CENPC: variants seen among roughly 807,000 people sequenced by gnomAD.
The protein encoded by CENPC is CENP-C 1.
Under a neutral mutation model 112.1 loss-of-function variants are expected in CENPC, and 63 were observed. The observed-to-expected ratio is 0.56, with a 90% CI of 0.46 to 0.69. The LOEUF (loss-of-function observed/expected upper bound fraction) is 0.69, where lower values mean the gene tolerates loss of function less well. CENPC is among the 30% of genes least tolerant of loss of function. CENPC has a pLI of 0.00. For missense variants in CENPC, 1,000 were observed against 1,103.8 expected (o/e 0.91, Z 1.33); for synonymous variants, 333 against 367.6 (o/e 0.91, Z 1.08).
rs139727594 is a variant in CENPC, at chr4:67,510,593, G to A, written c.1613-1488C>T. ...TCTGTGCAAGTACAGAGCCCGAACT[G>A]ATACAATCCTGTGACTGACTGCCTT... On this transcript the variant is annotated intron_variant, in intron 9 of 18. Coordinates refer to ENST00000273853, the MANE Select transcript of CENPC (RefSeq NM_001812.4). 2.9e-4 allele frequency: 51 copies of A among 176,266 alleles called. No homozygotes were observed. In the East Asian group the frequency reaches 7.2e-3, roughly 25 times the overall value. 10.9% of individuals were successfully genotyped at this position (176,266 alleles called of 1,614,324 possible).
intron 12 of CENPC, among the ~76,000 whole-genome samples, chr4:67,496,531 T>G (rs1284993981): frequency 1.3e-5 from 2 of 152,196 alleles, no homozygotes; most frequent in Non-Finnish European, 2.9e-5. Flanking sequence ...TGAGCTTTTA[T>G]CATATTCTCA....
intron 7 of CENPC, among the ~76,000 whole-genome samples, chr4:67,516,315 G>A (rs1726055382): frequency 6.6e-6 from 1 of 151,846 alleles, no homozygotes; most frequent in Non-Finnish European, 1.5e-5. Context: ...ACCACATATT[G>A]CAGTGAGATA....
chr4:67,509,254 AC>A (rs1289864627), intron 9 of CENPC, 149 bp from the exon 10 acceptor site: 1 of 476,598 alleles, frequency 2.1e-6, no homozygotes. Context: ...ACACACACAC[AC>A]ATCTCAGGCT....
intron 17 of CENPC, among the ~76,000 whole-genome samples, chr4:67,479,115 C>T (rs968173893): frequency 5.9e-5 from 9 of 152,200 alleles, no homozygotes; most frequent in South Asian, 2.1e-4. Flanking sequence ...CGGCAACACA[C>T]TTATACTCAA....
chr4:67,474,971 T>TA lies in CENPC; in HGVS notation c.2677dup (p.Tyr893LeufsTer3). 6.7e-7 allele frequency: 1 copy of TA among 1,492,170 alleles called. No individual in the cohort carries two copies. The highest frequency in any genetic ancestry group is 9.1e-7 in the Non-Finnish European group (1 of 1,103,536). The allele number at this position is 1,492,170 out of a possible 1,614,324, so 92.4% of individuals were successfully genotyped here. A position where few individuals can be genotyped will look rare whatever the true frequency, so the allele number is the denominator to read the frequency against. ...ACACAAAAGGTCACCAAAGTTAACA[T>TA]AAAAAACCTGTAAAAATAAAAATAA... On this transcript the variant is annotated frameshift_variant, in exon 18 of 19. Coordinates refer to ENST00000273853, the MANE Select transcript of CENPC (RefSeq NM_001812.4). LOFTEE classifies it high-confidence loss of function.
intron 4 of CENPC, among the ~76,000 whole-genome samples, chr4:67,538,980 C>G (rs1726806762): frequency 6.6e-6 from 1 of 152,186 alleles, no homozygotes; most frequent in African/African-American, 2.4e-5. Flanking sequence ...TTACTGCATT[C>G]TACCTAGAAG....
intron 17 of CENPC, among the ~76,000 whole-genome samples, chr4:67,475,781 T>C (rs1001572832): frequency 6.6e-6 from 1 of 152,158 alleles, no homozygotes; most frequent in Non-Finnish European, 1.5e-5. Flanking sequence ...TTTTGTATTT[T>C]TAGTAGAGAC....
chr4:67,488,185 AT>A (rs1725142162), intron 17 of CENPC, among the ~76,000 whole-genome samples: 2 of 149,552 alleles, frequency 1.3e-5, no homozygotes, highest in African/African-American at 5.1e-5. Context: ...TTGCTTAAAC[AT>A]TTATCCCAAG....
At chr4:67,477,089 C>T (rs1482811412) in intron 17 of CENPC, among the ~76,000 whole-genome samples, 4 of 152,158 alleles carry the variant, frequency 2.6e-5, no homozygotes, top group African/African-American at 9.7e-5. Context: ...TCTAACTGCC[C>T]TGTAGCCTAA....
Position 67,544,130 on chromosome 4 carries a change from G to A in CENPC, c.65+19C>T. ...GATGAGAATAAAAATAATCTTAAAA[G>A]CTTAAGTACGTAAATCACCTGGAAG... On this transcript the variant is annotated intron_variant, in intron 2 of 18. Transcript: ENST00000273853. The A allele has an allele frequency of 7.5e-7, 1 of 1,328,326 alleles. No homozygotes were observed. The highest frequency in any genetic ancestry group is 1.2e-5 in the South Asian group (1 of 83,398). The allele number at this position is 1,328,326 out of a possible 1,614,324, so 82.3% of individuals were successfully genotyped here.
chr4:67,528,281 G>A (rs1433557304), intron 5 of CENPC, among the ~76,000 whole-genome samples: 1 of 152,136 alleles, frequency 6.6e-6, no homozygotes, highest in African/African-American at 2.4e-5. Context: ...AGGGAGGGGA[G>A]AATGGGGAGC....
In CENPC at chr4:67,530,890, C is replaced by G; in HGVS notation, c.256G>C (p.Val86Leu). 1.2e-6 allele frequency: 2 copies of G among 1,601,334 alleles called. No homozygotes were observed. Among genetic ancestry groups the G allele is most frequent in the Non-Finnish European group, 1.7e-6 (2 of 1,172,892 alleles). The part of the protein sequence containing the change: ...KECQKSHPKS[V>L]PVSSKKKEAS... ...TCTTTCTTCTTTGAAGAAACTGGAA[C>G]TGACTTTGGATGTGATTTCTGGCAC... Residue 86 changes from valine (V) to leucine (L), a missense_variant, in exon 5 of 19, where the codon GTT (valine) becomes CTT (leucine). Coordinates refer to ENST00000273853, the MANE Select transcript of CENPC (RefSeq NM_001812.4).
intron 4 of CENPC, among the ~76,000 whole-genome samples, chr4:67,537,292 G>C (rs961999277): frequency 6.6e-6 from 1 of 152,090 alleles, no homozygotes; most frequent in Non-Finnish European, 1.5e-5. Flanking sequence ...TCATCATCTA[G>C]GTAGTAGTTG....
rs1301294485 is a variant in CENPC at position 67,470,558 on chromosome 4, GT to G, written c.*2046del. On this transcript the variant is annotated 3_prime_UTR_variant, in exon 19 of 19. Coordinates refer to ENST00000273853, the MANE Select transcript of CENPC (RefSeq NM_001812.4). ...TCGCACTCCAGCCCAGGCAACAAGAGTGAAACTCTGCCTCAAAAAAAAAAAA... is the reference window on the plus strand; with the variant it reads ...TCGCACTCCAGCCCAGGCAACAAGAGGAAACTCTGCCTCAAAAAAAAAAAA... 3 of 93,622 alleles carry G rather than the reference GT, an allele frequency of 3.2e-5. No homozygotes were observed. Among genetic ancestry groups the G allele is most frequent in the Non-Finnish European group, 6.1e-5 (3 of 49,068 alleles). 5.8% of individuals were successfully genotyped at this position (93,622 alleles called of 1,614,324 possible). A position where few individuals can be genotyped will look rare whatever the true frequency, so the allele number is the denominator to read the frequency against.
At chr4:67,514,794 T>C (rs1238214496) in intron 7 of CENPC, 107 bp from the exon 8 acceptor site, 5 of 1,100,090 alleles carry the variant, frequency 4.5e-6, no homozygotes, top group Non-Finnish European at 3.8e-6. Context: ...TTAAACTGTT[T>C]ATATATCTCC....
intron 6 of CENPC, among the ~76,000 whole-genome samples, chr4:67,518,960 A>G (rs1726138646): frequency 6.6e-6 from 1 of 152,192 alleles, no homozygotes; most frequent in Admixed American, 6.5e-5. Context: ...TCTCTTAGGA[A>G]GCAATCAAAT....
chr4:67,468,882 C>T lies in CENPC; in HGVS notation c.*3723G>A, dbSNP rs1401650510. ...ATAACTGCTTGGATGATCTTAAGGGCTTTATGCTGAGTGAGAAAAACCAAA... is the reference window on the plus strand; with the variant it reads ...ATAACTGCTTGGATGATCTTAAGGGTTTTATGCTGAGTGAGAAAAACCAAA... On this transcript the variant is annotated 3_prime_UTR_variant, in exon 19 of 19. Transcript: ENST00000273853. 6.6e-6 allele frequency: 1 copy of T among 152,058 alleles called. No individual in the cohort carries two copies. Among genetic ancestry groups the T allele is most frequent in the Non-Finnish European group, 1.5e-5 (1 of 68,004 alleles). The allele number at this position is 152,058 out of a possible 1,614,324, so 9.4% of individuals were successfully genotyped here. A position where few individuals can be genotyped will look rare whatever the true frequency, so the allele number is the denominator to read the frequency against.
chr4:67,492,789 A>G (rs1198311883), intron 15 of CENPC, 80 bp downstream of exon 15: 1 of 1,407,702 alleles, frequency 7.1e-7, no homozygotes. Context: ...AGTAAATTTC[A>G]TATTTTGCAA....
intron 12 of CENPC, among the ~76,000 whole-genome samples, chr4:67,503,933 C>T (rs1057475956): frequency 1.3e-5 from 2 of 151,714 alleles, no homozygotes; most frequent in African/African-American, 2.4e-5. Context: ...TAACATACAC[C>T]TGATATTAAA....
Sources: gnomAD v4.1 joint callset for allele counts (sites outside exome capture counted in the v4.1 genomes callset) on GRCh38, gnomAD v4.1.1 for gene constraint, MANE v1.5 for transcripts, NCBI Gene and HGNC (gene_info 2026-07-23, HGNC 2026-07-21) for gene names.